The following HHAT variants were observed in gnomAD, a reference collection of about 807,000 sequenced individuals.
The protein encoded by HHAT is protein-cysteine N-palmitoyltransferase HHAT.
A neutral mutation model predicts 70.8 loss-of-function variants in HHAT; 47 were observed. That is an observed-to-expected ratio of 0.66 (90% CI 0.53 to 0.85). The LOEUF is 0.85. HHAT is among the 40% of genes least tolerant of loss of function. The pLI, the probability that HHAT is intolerant of heterozygous loss-of-function variation, is 0.00. For synonymous variants in HHAT, 228 were observed against 247.6 expected (o/e 0.92, Z 0.74); for missense variants, 609 against 604.8 (o/e 1.01, Z -0.07).
intron 7 of HHAT, among the ~76,000 whole-genome samples, chr1:210,450,405 C>T (rs1212076974): frequency 2.0e-5 from 3 of 152,154 alleles, no homozygotes; most frequent in South Asian, 2.1e-4. Flanking sequence ...TGGATACATC[C>T]TGCTTTTCAA....
intron 9 of HHAT, among the ~76,000 whole-genome samples, chr1:210,515,452 C>G (rs921955377): frequency 6.6e-6 from 1 of 152,152 alleles, no homozygotes; most frequent in African/African-American, 2.4e-5. Context: ...ATTTGTAGCT[C>G]TCTTCAGAAA....
chr1:210,631,892 A>G (rs1558315607), intron 11 of HHAT, among the ~76,000 whole-genome samples: 1 of 152,252 alleles, frequency 6.6e-6, no homozygotes, highest in Admixed American at 6.5e-5. Flanking sequence ...GGGAGTGAAG[A>G]CTATACAAAA....
chr1:210,554,220 C>T (rs898957463), intron 9 of HHAT, among the ~76,000 whole-genome samples: 1 of 152,178 alleles, frequency 6.6e-6, no homozygotes, highest in Non-Finnish European at 1.5e-5. Flanking sequence ...TTCACTGCTG[C>T]ATCCTCAGTG....
chr1:210,649,486 T>A (rs1674695757), intron 11 of HHAT, among the ~76,000 whole-genome samples: 1 of 152,232 alleles, frequency 6.6e-6, no homozygotes, highest in Admixed American at 6.5e-5. Context: ...TGTTGGGACC[T>A]AACATCACCA....
At chr1:210,482,968 A>C (rs1364039447) in intron 8 of HHAT, among the ~76,000 whole-genome samples, 2 of 152,128 alleles carry the variant, frequency 1.3e-5, no homozygotes, top group Non-Finnish European at 2.9e-5. Context: ...TCAAAGCCAG[A>C]GATTATTTTC....
At chr1:210,633,809 C>G (rs77762608) in intron 11 of HHAT, among the ~76,000 whole-genome samples, 1 of 152,132 alleles carries the variant, frequency 6.6e-6, no homozygotes, top group African/African-American at 2.4e-5. Flanking sequence ...GGGCCGAAGC[C>G]TTTGTCCCCT....
chr1:210,647,765 T>C (rs1156286046), intron 11 of HHAT, among the ~76,000 whole-genome samples: 3 of 152,258 alleles, frequency 2.0e-5, no homozygotes, highest in Non-Finnish European at 4.4e-5. Context: ...GAAACAATTA[T>C]TGAACATCTG....
At chr1:210,580,023 G>A (rs1480864709) in intron 9 of HHAT, among the ~76,000 whole-genome samples, 4 of 152,218 alleles carry the variant, frequency 2.6e-5, no homozygotes, top group Admixed American at 6.5e-5. Flanking sequence ...AGAAGTTGAA[G>A]TGTAGGCTAA....
At chr1:210,350,768 A>G (rs1301541139) in intron 2 of HHAT, among the ~76,000 whole-genome samples, 1 of 152,058 alleles carries the variant, frequency 6.6e-6, no homozygotes, top group Non-Finnish European at 1.5e-5. Context: ...GTATTGCATT[A>G]ATTAGGGTTT....
rs764435223 is a variant in HHAT, at chr1:210,362,834, C to CG, written c.92-18_92-17insG. 1 of 796,644 alleles carries CG rather than the reference C, an allele frequency of 1.3e-6. No homozygotes were observed. Among genetic ancestry groups the CG allele is most frequent in the African/African-American group, 1.8e-5 (1 of 55,608 alleles). The allele number at this position is 796,644 out of a possible 1,614,324, so 49.3% of individuals were successfully genotyped here. A position where few individuals can be genotyped will look rare whatever the true frequency, so the allele number is the denominator to read the frequency against. Reference sequence around the variant, plus strand: ...TGTTTAGATTTGTGACTAACGAAGACTTTTTTTTTTTGGTCAGAACACGAA... The same window carrying CG: ...TGTTTAGATTTGTGACTAACGAAGACGTTTTTTTTTTTGGTCAGAACACGAA... On this transcript the variant is annotated splice_polypyrimidine_tract_variant and intron_variant, in intron 2 of 11. Transcript: ENST00000261458.
At chr1:210,377,271 A>G (rs939864522) in intron 3 of HHAT, among the ~76,000 whole-genome samples, 1 of 151,828 alleles carries the variant, frequency 6.6e-6, no homozygotes. Flanking sequence ...ATTCTATTAC[A>G]TTTTTTTCAT....
chr1:210,509,057 A>G (rs1158311101), intron 8 of HHAT, among the ~76,000 whole-genome samples: 2 of 152,226 alleles, frequency 1.3e-5, no homozygotes, highest in African/African-American at 2.4e-5. Context: ...AGGTTGGTGC[A>G]AAAGTAATTG....
At chr1:210,539,136 A>C (rs1252885032) in intron 9 of HHAT, among the ~76,000 whole-genome samples, 1 of 152,172 alleles carries the variant, frequency 6.6e-6, no homozygotes, top group Non-Finnish European at 1.5e-5. Context: ...TAATTTTTGA[A>C]TTATGGAACA....
At position 210,419,984 on chromosome 1, in the gene HHAT, G is replaced by A. The variant is rs188955543; in HGVS notation, c.856+1659G>A. Among the ~76,000 whole-genome samples the A allele has an allele frequency of 7.7e-4, 117 of 152,184 alleles. 1 individual carries two copies. Among genetic ancestry groups the A allele is most frequent in the African/African-American group, 2.7e-3 (112 of 41,542 alleles). On this transcript the variant is annotated intron_variant, in intron 7 of 11. Transcript: ENST00000261458. ...CCATATAACAATGATACTTAAGATC[G>A]GCACTAGGGGTAGTAAATTATGTGA... is the stretch of plus-strand genomic sequence containing the variant.
intron 7 of HHAT, among the ~76,000 whole-genome samples, chr1:210,450,335 A>G (rs990271079): frequency 1.3e-5 from 2 of 151,748 alleles, no homozygotes; most frequent in African/African-American, 2.4e-5. Context: ...CATTAAAGCT[A>G]TTGGGAAGGG....
intron 1 of HHAT, among the ~76,000 whole-genome samples, chr1:210,337,851 T>TCTTA (rs2085645334): frequency 7.1e-5 from 1 of 14,068 alleles, no homozygotes; most frequent in South Asian, 3.1e-3. Flanking sequence ...ACAGAGGGGA[T>TCTTA]CTATTTTGTC....
chr1:210,663,444 A>G (rs944327644), intron 11 of HHAT, among the ~76,000 whole-genome samples: 4 of 152,190 alleles, frequency 2.6e-5, no homozygotes, highest in Admixed American at 6.5e-5. Context: ...GTGGAGCCAC[A>G]CAGCCTTGAG....
chr1:210,333,757 A>G (rs2085212465), intron 1 of HHAT, among the ~76,000 whole-genome samples: 1 of 151,926 alleles, frequency 6.6e-6, no homozygotes, highest in Admixed American at 6.6e-5. Flanking sequence ...TCCCGAGTTC[A>G]AGCAATTCTC....
intron 1 of HHAT, among the ~76,000 whole-genome samples, chr1:210,337,290 CA>C (rs1438834716): frequency 6.6e-6 from 1 of 152,178 alleles, no homozygotes; most frequent in African/African-American, 2.4e-5. Context: ...GATTAAAAAA[CA>C]ATCTGTTTTC....
Sources: gnomAD v4.1 joint callset for allele counts (sites outside exome capture counted in the v4.1 genomes callset) on GRCh38, gnomAD v4.1.1 for gene constraint, MANE v1.5 for transcripts, NCBI Gene and HGNC (gene_info 2026-07-23, HGNC 2026-07-21) for gene names.